IPO11: variants seen among roughly 807,000 people sequenced by gnomAD.
The protein encoded by IPO11 is importin-11.
Under a neutral mutation model 143.2 loss-of-function variants are expected in IPO11, and 66 were observed. The observed-to-expected ratio is 0.46, with a 90% CI of 0.38 to 0.57. The LOEUF (loss-of-function observed/expected upper bound fraction) is 0.57. IPO11 is among the 20% of genes least tolerant of loss of function. The probability of loss-of-function intolerance (pLI) is 0.00; values close to 1 mark genes in which losing one functional copy is unlikely to be tolerated. For synonymous variants in IPO11, 385 were observed against 377.8 expected (o/e 1.02, Z -0.22); for missense variants, 1,026 against 1,141.0 (o/e 0.90, Z 1.45).
At chr5:62,554,073 T>G (rs1323046103) in intron 26 of IPO11, among the ~76,000 whole-genome samples, 1 of 152,214 alleles carries the variant, frequency 6.6e-6, no homozygotes, top group Non-Finnish European at 1.5e-5. Flanking sequence ...CATTCGTATG[T>G]CTTCGTTTGA....
intron 29 of IPO11, among the ~76,000 whole-genome samples, chr5:62,607,323 T>G (rs984573272): frequency 2.0e-5 from 3 of 152,214 alleles, no homozygotes; most frequent in Non-Finnish European, 2.9e-5. Flanking sequence ...TGGAAATCTT[T>G]ATTCCAAATA....
At chr5:62,481,368 C>T (rs1746204098) in intron 9 of IPO11, among the ~76,000 whole-genome samples, 1 of 152,108 alleles carries the variant, frequency 6.6e-6, no homozygotes, top group Non-Finnish European at 1.5e-5. Context: ...CCAGTTTTTG[C>T]CCATTCAGTA....
intron 1 of IPO11, among the ~76,000 whole-genome samples, chr5:62,433,590 C>G (rs1471685333): frequency 6.6e-6 from 1 of 152,198 alleles, no homozygotes; most frequent in Non-Finnish European, 1.5e-5. Context: ...ACTGCAGTGT[C>G]TGGCACAAAA....
At chr5:62,495,924 A>G (rs1314007542) in intron 16 of IPO11, among the ~76,000 whole-genome samples, 1 of 152,216 alleles carries the variant, frequency 6.6e-6, no homozygotes, top group Non-Finnish European at 1.5e-5. Context: ...TCATGGCCAG[A>G]TAAGTTTGGA....
chr5:62,597,765 G>T (rs1315947391), intron 28 of IPO11, among the ~76,000 whole-genome samples: 2 of 152,166 alleles, frequency 1.3e-5, no homozygotes, highest in African/African-American at 2.4e-5. Context: ...CATGCCCTGA[G>T]CCCAGAAGTG....
chr5:62,441,914 C>T (rs1263446449), intron 2 of IPO11, among the ~76,000 whole-genome samples: 10 of 151,570 alleles, frequency 6.6e-5, no homozygotes, highest in African/African-American at 2.4e-4. Flanking sequence ...GGCGCGATCT[C>T]GGCTTACTGC....
chr5:62,547,719 G>T (rs894148324), intron 24 of IPO11, among the ~76,000 whole-genome samples: 8 of 151,810 alleles, frequency 5.3e-5, no homozygotes, highest in African/African-American at 1.7e-4. Flanking sequence ...TTAATTCTAA[G>T]TACTCCCTTG....
intron 9 of IPO11, among the ~76,000 whole-genome samples, chr5:62,482,551 A>G (rs1339145271): frequency 6.6e-6 from 1 of 152,178 alleles, no homozygotes; most frequent in East Asian, 1.9e-4. Context: ...AAATTTCCTC[A>G]GCAGCTTTTC....
At chr5:62,611,764 A>G (rs1045790156) in intron 29 of IPO11, among the ~76,000 whole-genome samples, 3 of 152,188 alleles carry the variant, frequency 2.0e-5, no homozygotes, top group African/African-American at 7.2e-5. Context: ...GAACTTTTTT[A>G]GTAACTTAGG....
At chr5:62,506,521 C>T (rs1463162945) in intron 19 of IPO11, among the ~76,000 whole-genome samples, 164 bp downstream of exon 19, 8 of 151,730 alleles carry the variant, frequency 5.3e-5, no homozygotes, top group Non-Finnish European at 1.0e-4. Flanking sequence ...TTGACATATT[C>T]GATTTTCTAA....
intron 1 of IPO11, among the ~76,000 whole-genome samples, chr5:62,427,012 C>A (rs247249): frequency 0.41 from 59,772 of 145,512 alleles, 12,565 homozygotes; most frequent in East Asian, 0.6. Context: ...ATCTCGGCTC[C>A]CTGCAATTTC....
intron 21 of IPO11, among the ~76,000 whole-genome samples, chr5:62,528,709 T>C (rs1742447334): frequency 6.6e-6 from 1 of 152,132 alleles, no homozygotes; most frequent in Admixed American, 6.6e-5. Context: ...CTCAACAAAA[T>C]ATGAAGCATC....
Position 62,628,343 on chromosome 5 carries a change from G to A in IPO11, c.*1025G>A, listed in dbSNP as rs532477512. 8 of 152,604 alleles carry A rather than the reference G, an allele frequency of 5.2e-5. No homozygotes were observed. Among genetic ancestry groups the A allele is most frequent in the Admixed American group, 3.3e-4 (5 of 15,280 alleles). The allele number at this position is 152,604 out of a possible 1,614,324, so 9.5% of individuals were successfully genotyped here. On this transcript the variant is annotated 3_prime_UTR_variant, in exon 30 of 30. Coordinates refer to ENST00000325324, the MANE Select transcript of IPO11 (RefSeq NM_016338.5). ...AAAAGGGGAAAAGGAGAAAAAAAAA[G>A]CCTTACTTTGTTTTACTTGCCATTT... is the stretch of plus-strand genomic sequence containing the variant.
At chr5:62,447,847 A>G (rs567782618) in intron 3 of IPO11, among the ~76,000 whole-genome samples, 3 of 152,208 alleles carry the variant, frequency 2.0e-5, no homozygotes, top group African/African-American at 4.8e-5. Flanking sequence ...TTGGCCTCCC[A>G]AAGTGCTGGT....
At chr5:62,415,757 C>T (rs1043416467) in intron 1 of IPO11, among the ~76,000 whole-genome samples, 3 of 150,220 alleles carry the variant, frequency 2.0e-5, no homozygotes, top group African/African-American at 4.9e-5. Context: ...CTTGAGCCAC[C>T]ACGCCCGGCC....
At chr5:62,480,582 T>C (rs982171902) in intron 9 of IPO11, among the ~76,000 whole-genome samples, 2 of 149,956 alleles carry the variant, frequency 1.3e-5, no homozygotes, top group African/African-American at 5.1e-5. Context: ...GCATGGAATG[T>C]TCTTCTATTT....
At chr5:62,579,453 G>T in intron 27 of IPO11, 1 of 1,550,726 alleles carries the variant, frequency 6.4e-7, no homozygotes, top group Non-Finnish European at 8.7e-7. Flanking sequence ...GTGGATTACA[G>T]TTTTCTCTGC....
chr5:62,451,833 A>G lies in IPO11; in HGVS notation c.416A>G (p.Gln139Arg), dbSNP rs982794044. 1.2e-6 allele frequency: 2 copies of G among 1,614,042 alleles called. No individual in the cohort carries two copies. The highest frequency in any genetic ancestry group is 1.3e-5 in the African/African-American group (1 of 75,060). The change falls in exon 5 of 30, where the codon CAG (glutamine) becomes CGG (arginine). Residue 139 changes from glutamine to arginine, a missense_variant. By Grantham distance (43) the Gln-to-Arg change is conservative. This residue lies in a region of IPO11 where 429 missense variants were observed against 456.3 expected (regional missense o/e 0.94). Coordinates refer to ENST00000325324, the MANE Select transcript of IPO11 (RefSeq NM_016338.5). ...IPTLIESVKV[Q>R]DDLRQHRALL... ...ACTCTTATAGAGTCTGTTAAAGTCC[A>G]GGATGATCTTCGACAGCACAGAGCA... is the stretch of plus-strand genomic sequence containing the variant.
intron 27 of IPO11, among the ~76,000 whole-genome samples, chr5:62,585,397 A>T (rs1244833459): frequency 1.3e-5 from 2 of 152,168 alleles, no homozygotes; most frequent in African/African-American, 2.4e-5. Flanking sequence ...AATGCTACTG[A>T]CCAGGTAAAT....
Sources: allele counts gnomAD v4.1 joint callset (sites outside exome capture counted in the v4.1 genomes callset), GRCh38; gene constraint gnomAD v4.1.1; regional missense constraint gnomAD v4.1.1; transcripts MANE v1.5; gene names NCBI Gene and HGNC (gene_info 2026-07-23, HGNC 2026-07-21).